The following TIGIT variants were observed in gnomAD, a reference collection of about 807,000 sequenced individuals.
The protein encoded by TIGIT is T cell immunoreceptor with Ig and ITIM domains.
TIGIT carries 11 observed loss-of-function variants against 19.6 expected under a neutral mutation model. That is an observed-to-expected ratio of 0.56 (90% CI 0.35 to 0.93). TIGIT has a LOEUF of 0.93. Among genes scored for constraint, TIGIT ranks in the 40% least tolerant of loss-of-function variants. The pLI, the probability that TIGIT is intolerant of heterozygous loss-of-function variation, is 0.01. For missense variants in TIGIT, 295 were observed against 303.9 expected (o/e 0.97, Z 0.22); for synonymous variants, 130 against 125.5 (o/e 1.04, Z -0.24).
rs139071971 is a variant in TIGIT at position 114,309,670 on chromosome 3, G to C, written c.*1539G>C. ...CCTTTGGAAGAAAGATTAGATGAACGTAAAAATGTTGTTGTTTGCTGTGGC... is the reference window on the plus strand; with the variant it reads ...CCTTTGGAAGAAAGATTAGATGAACCTAAAAATGTTGTTGTTTGCTGTGGC... On this transcript the variant is annotated 3_prime_UTR_variant, in exon 4 of 4. Transcript: ENST00000383671. 3.3e-5 allele frequency: 5 copies of C among 152,134 alleles called. No homozygotes were observed. The highest frequency in any genetic ancestry group is 7.4e-5 in the Non-Finnish European group (5 of 68,022). 9.4% of individuals were successfully genotyped at this position (152,134 alleles called of 1,614,324 possible). A position where few individuals can be genotyped will look rare whatever the true frequency, so the allele number is the denominator to read the frequency against.
chr3:114,308,187 A>C lies in TIGIT; in HGVS notation c.*56A>C. The C allele has an allele frequency of 5.6e-6, 8 of 1,416,616 alleles. No individual in the cohort carries two copies. The highest frequency in any genetic ancestry group is 1.2e-5 in the South Asian group (1 of 82,534). 87.8% of individuals were successfully genotyped at this position (1,416,616 alleles called of 1,614,324 possible). On this transcript the variant is annotated 3_prime_UTR_variant, in exon 4 of 4. Transcript: ENST00000383671. ...TTTGTCTTTGCTATTATAGATGAATATATAAGCAGCTGTACTCTCCATCAG... is the reference window on the plus strand; with the variant it reads ...TTTGTCTTTGCTATTATAGATGAATCTATAAGCAGCTGTACTCTCCATCAG...
At chr3:114,304,274 A>C (rs909398594) in intron 3 of TIGIT, among the ~76,000 whole-genome samples, 1 of 152,220 alleles carries the variant, frequency 6.6e-6, no homozygotes, top group Admixed American at 6.5e-5. Flanking sequence ...TTTTAAAAAA[A>C]CACTTAAAAT....
intron 3 of TIGIT, among the ~76,000 whole-genome samples, chr3:114,305,248 C>A (rs1050259675): frequency 6.6e-6 from 1 of 152,174 alleles, no homozygotes; most frequent in Non-Finnish European, 1.5e-5. Flanking sequence ...CATCTGTGTC[C>A]CATCTCATTT....
rs2078548106 is a variant in TIGIT, at chr3:114,308,098, G to A, written c.702G>A (p.Leu234=). The part of the protein sequence containing the change: ...DYFNVLSYRS[L]GNCSFFTETG ...TCAATGTCCTGAGTTACAGAAGCCT[G>A]GGTAACTGCAGCTTCTTCACAGAGA... Residue 234 remains leucine (L), a synonymous_variant, in exon 4 of 4, where the codon CTG becomes CTA. Transcript: ENST00000383671. 1.9e-6 allele frequency: 3 copies of A among 1,614,004 alleles called. No homozygotes were observed. Among genetic ancestry groups the A allele is most frequent in the South Asian group, 2.2e-5 (2 of 91,062 alleles).
chr3:114,297,977 G>A (rs2078466180), intron 2 of TIGIT, among the ~76,000 whole-genome samples: 1 of 152,202 alleles, frequency 6.6e-6, no homozygotes, highest in Non-Finnish European at 1.5e-5. Context: ...ACTTGCATTA[G>A]CACAAACCCT....
intron 3 of TIGIT, among the ~76,000 whole-genome samples, chr3:114,305,364 T>C (rs776464349): frequency 2.0e-4 from 31 of 152,148 alleles, no homozygotes; most frequent in African/African-American, 7.0e-4. Flanking sequence ...GCAGCAACTG[T>C]TTTAGATCAG....
At chr3:114,301,215 G>T (rs1381961902) in intron 3 of TIGIT, among the ~76,000 whole-genome samples, 1 of 152,108 alleles carries the variant, frequency 6.6e-6, no homozygotes, top group Non-Finnish European at 1.5e-5. Flanking sequence ...ACACAAGTTT[G>T]TAATTTCTAC....
chr3:114,306,126 G>A (rs185791815), intron 3 of TIGIT, among the ~76,000 whole-genome samples: 83 of 152,212 alleles, frequency 5.5e-4, no homozygotes, highest in Admixed American at 2.0e-3. Flanking sequence ...CCTGGAGTCC[G>A]AAAGCCAGGG....
chr3:114,307,159 A>G (rs375678445), intron 3 of TIGIT, among the ~76,000 whole-genome samples: 1 of 145,274 alleles, frequency 6.9e-6, no homozygotes. Flanking sequence ...GGCAGTGAAT[A>G]TAGGGGCAGG....
intron 3 of TIGIT, among the ~76,000 whole-genome samples, chr3:114,306,186 C>T (rs1304016573): frequency 3.9e-5 from 6 of 152,176 alleles, no homozygotes. Context: ...TGTGTCCCAA[C>T]TCCAAAGAGA....
rs1017370946 is a variant in TIGIT at position 114,294,082 on chromosome 3, G to A, written c.21G>A (p.Leu7=). 20 of 1,554,252 alleles carry A rather than the reference G, an allele frequency of 1.3e-5. No homozygotes were observed. Among genetic ancestry groups the A allele is most frequent in the Non-Finnish European group, 1.7e-5 (19 of 1,148,130 alleles). ...GAAGCATGCGCTGGTGTCTCCTCCT[G>A]ATCTGGGCCCAGGGGCTGAGGCAGG... MRWCLL[L]IWAQGLRQAP... The change falls in exon 1 of 4, where the codon CTG becomes CTA. Residue 7 remains leucine, a synonymous_variant. Transcript: ENST00000383671.
At chr3:114,305,053 C>T (rs572323009) in intron 3 of TIGIT, among the ~76,000 whole-genome samples, 5 of 152,324 alleles carry the variant, frequency 3.3e-5, no homozygotes, top group Admixed American at 3.3e-4. Flanking sequence ...CTTTGAGTTG[C>T]TGATAGATCT....
intron 1 of TIGIT, among the ~76,000 whole-genome samples, chr3:114,294,601 A>G (rs2078441454): frequency 6.6e-6 from 1 of 152,224 alleles, no homozygotes; most frequent in African/African-American, 2.4e-5. Flanking sequence ...TAAAAATCAG[A>G]GTCAAATATT....
intron 1 of TIGIT, 144 bp from the exon 2 acceptor site, chr3:114,295,401 C>T (rs1232303891): frequency 5.8e-6 from 4 of 689,872 alleles, no homozygotes; most frequent in South Asian, 1.8e-5. Context: ...TAATTACAGC[C>T]TCTATGGAGG....
chr3:114,307,334 GA>G (rs1349669055), intron 3 of TIGIT, among the ~76,000 whole-genome samples: 2 of 152,234 alleles, frequency 1.3e-5, no homozygotes, highest in African/African-American at 4.8e-5. Context: ...GGCATCTTCA[GA>G]GGACAGATGG....
At position 114,308,233 on chromosome 3, in the gene TIGIT, G is replaced by T. The variant is rs2078549200; in HGVS notation, c.*102G>T. ...ATCAGTGCTGCGTGTGTGTGTGTGTGTGTATGTGTGTGTGTGTTCAGTTGA... is the reference window on the plus strand; with the variant it reads ...ATCAGTGCTGCGTGTGTGTGTGTGTTTGTATGTGTGTGTGTGTTCAGTTGA... On this transcript the variant is annotated 3_prime_UTR_variant, in exon 4 of 4. Transcript: ENST00000383671. The T allele has an allele frequency of 2.4e-6, 2 of 836,874 alleles. No individual in the cohort carries two copies. The highest frequency in any genetic ancestry group is 3.9e-6 in the Non-Finnish European group (2 of 508,756). 51.8% of individuals were successfully genotyped at this position (836,874 alleles called of 1,614,324 possible).
chr3:114,305,546 G>T (rs1003207689), intron 3 of TIGIT, among the ~76,000 whole-genome samples: 1 of 152,152 alleles, frequency 6.6e-6, no homozygotes, highest in African/African-American at 2.4e-5. Context: ...TACAGAGTCG[G>T]TTGAACCTTT....
chr3:114,296,427 T>C (rs931778057), intron 2 of TIGIT, among the ~76,000 whole-genome samples: 2 of 152,216 alleles, frequency 1.3e-5, no homozygotes, highest in Non-Finnish European at 2.9e-5. Flanking sequence ...AGAGACAGTA[T>C]AGCACCATGG....
rs540940904 is a variant in TIGIT at position 114,308,159 on chromosome 3, A to C, written c.*28A>C. ...ACCAGAGGCATCTTCTGGAAGATAC[A>C]CTTTTGTCTTTGCTATTATAGATGA... On this transcript the variant is annotated 3_prime_UTR_variant, in exon 4 of 4. Transcript: ENST00000383671. 5.7e-6 allele frequency: 9 copies of C among 1,590,502 alleles called. No individual in the cohort carries two copies. In the African/African-American group the frequency reaches 9.4e-5, roughly 17 times the overall value.
Sources: gnomAD v4.1 joint callset for allele counts (sites outside exome capture counted in the v4.1 genomes callset) on GRCh38, gnomAD v4.1.1 for gene constraint, MANE v1.5 for transcripts, NCBI Gene and HGNC (gene_info 2026-07-23, HGNC 2026-07-21) for gene names.